Variants in RTF1 observed in about 807,000 individuals in gnomAD.
The protein encoded by RTF1 is RNA polymerase-associated protein RTF1 homolog.
A neutral mutation model predicts 95.7 loss-of-function variants in RTF1; 10 were observed. The ratio of observed to expected loss-of-function variants is 0.10; its 90% CI spans 0.06 to 0.18. RTF1 has a LOEUF of 0.18. RTF1 is among the 10% of genes least tolerant of loss of function. RTF1 has a pLI of 1.00. For missense variants in RTF1, 458 were observed against 875.6 expected, an observed-to-expected ratio of 0.52 and a Z score of 6.02; for synonymous variants, 305 against 311.8, an observed-to-expected ratio of 0.98 and a Z score of 0.23.
At chr15:41,466,025 TAA>T (rs2050878620) in intron 5 of RTF1, 114 bp from the exon 6 acceptor site, 2 of 610,736 alleles carry the variant, frequency 3.3e-6, no homozygotes, top group Non-Finnish European at 5.5e-6. Flanking sequence ...ATAAAAGCTC[TAA>T]GTTTTTGCAG....
At chr15:41,477,726 T>C (rs1163158731) in intron 14 of RTF1, 1 of 576,910 alleles carries the variant, frequency 1.7e-6, no homozygotes, top group African/African-American at 1.9e-5. Flanking sequence ...TTCCCACCCT[T>C]AGATTCTACT....
At chr15:41,431,169 G>A (rs2050669789) in intron 1 of RTF1, among the ~76,000 whole-genome samples, 1 of 151,496 alleles carries the variant, frequency 6.6e-6, no homozygotes, top group South Asian at 2.1e-4. Context: ...CTCCCAAAGT[G>A]CTGGGATTAC....
chr15:41,442,644 G>C (rs367970095), intron 2 of RTF1, among the ~76,000 whole-genome samples: 2 of 152,012 alleles, frequency 1.3e-5, no homozygotes, highest in African/African-American at 4.8e-5. Flanking sequence ...CCAGCACTTT[G>C]GGAGGCCAAG....
chr15:41,442,204 G>C (rs2050739267), intron 2 of RTF1, among the ~76,000 whole-genome samples: 1 of 140,714 alleles, frequency 7.1e-6, no homozygotes, highest in Non-Finnish European at 1.5e-5. Context: ...GTCTCTCTCT[G>C]TTGCCCAGGC....
intron 3 of RTF1, among the ~76,000 whole-genome samples, chr15:41,455,586 C>T (rs940813082): frequency 1.3e-5 from 2 of 151,094 alleles, no homozygotes; most frequent in East Asian, 2.0e-4. Context: ...AGGTGGATCA[C>T]TTGAGGTCAG....
At chr15:41,467,994 G>A (rs569294921) in intron 6 of RTF1, among the ~76,000 whole-genome samples, 15 of 151,808 alleles carry the variant, frequency 9.9e-5, no homozygotes, top group African/African-American at 3.1e-4. Flanking sequence ...GTGAAATCCC[G>A]TCTCTACTAA....
chr15:41,457,037 G>A (rs964031501), intron 3 of RTF1, among the ~76,000 whole-genome samples: 12 of 151,840 alleles, frequency 7.9e-5, no homozygotes, highest in African/African-American at 2.9e-4. Flanking sequence ...AATGAGCTGA[G>A]ATCACACCAC....
At chr15:41,431,866 T>C (rs1438539402) in intron 1 of RTF1, among the ~76,000 whole-genome samples, 1 of 151,758 alleles carries the variant, frequency 6.6e-6, no homozygotes, top group Non-Finnish European at 1.5e-5. Flanking sequence ...AGTGGCACGA[T>C]CTTGGCCCAC....
At chr15:41,474,566 T>C (rs1748115429) in intron 8 of RTF1, 54 bp from the exon 9 acceptor site, 2 of 1,255,150 alleles carry the variant, frequency 1.6e-6, no homozygotes, top group Non-Finnish European at 2.3e-6. Context: ...AAGAGTGTTG[T>C]GGAAAGCTCC....
At chr15:41,478,072 T>G (rs974360745) in intron 14 of RTF1, among the ~76,000 whole-genome samples, 1 of 150,528 alleles carries the variant, frequency 6.6e-6, no homozygotes, top group Non-Finnish European at 1.5e-5. Flanking sequence ...CACTGCACTT[T>G]AGCCTGGGCA....
chr15:41,449,532 G>A (rs2050780175), intron 2 of RTF1, among the ~76,000 whole-genome samples: 1 of 152,082 alleles, frequency 6.6e-6, no homozygotes, highest in African/African-American at 2.4e-5. Context: ...AAATAGAGGT[G>A]GGGTCTTGCT....
chr15:41,450,135 G>T (rs1162129130), intron 2 of RTF1, among the ~76,000 whole-genome samples: 1 of 152,156 alleles, frequency 6.6e-6, no homozygotes, highest in Non-Finnish European at 1.5e-5. Context: ...ATTCAAGGCT[G>T]CAGTGAGCTA....
Position 41,481,908 on chromosome 15 carries a change from C to T in RTF1, c.*1221C>T, listed in dbSNP as rs936179806. On this transcript the variant is annotated 3_prime_UTR_variant, in exon 18 of 18. Coordinates refer to ENST00000389629, the MANE Select transcript of RTF1 (RefSeq NM_015138.5). ...CAATCTGACTAACACGGTGAAACCC[C>T]ATCTCTACTAAAACTACAAAACTTA... The T allele has an allele frequency of 2.0e-5, 3 of 152,118 alleles. No individual in the cohort carries two copies. Among genetic ancestry groups the T allele is most frequent in the Non-Finnish European group, 4.4e-5 (3 of 68,060 alleles). The allele number at this position is 152,118 out of a possible 1,614,324, so 9.4% of individuals were successfully genotyped here.
chr15:41,417,803 G>A (rs1056652381), intron 1 of RTF1, among the ~76,000 whole-genome samples: 8 of 152,190 alleles, frequency 5.3e-5, no homozygotes, highest in South Asian at 2.1e-4. Context: ...ACAGAGGAAG[G>A]ACACTCGTAA....
intron 1 of RTF1, among the ~76,000 whole-genome samples, chr15:41,437,064 G>A (rs2050707533): frequency 6.6e-6 from 1 of 152,068 alleles, no homozygotes; most frequent in Non-Finnish European, 1.5e-5. Flanking sequence ...TCCAGCCTGG[G>A]CGACAGAGCA....
At chr15:41,425,073 C>T (rs533078966) in intron 1 of RTF1, among the ~76,000 whole-genome samples, 6 of 152,160 alleles carry the variant, frequency 3.9e-5, no homozygotes, top group African/African-American at 1.4e-4. Context: ...GTGGCTGGGA[C>T]TGCAAGTGTG....
At chr15:41,433,394 G>C (rs2050685635) in intron 1 of RTF1, among the ~76,000 whole-genome samples, 8 of 152,088 alleles carry the variant, frequency 5.3e-5, no homozygotes, top group Admixed American at 5.2e-4. Context: ...GAGTGCACTG[G>C]CATGATCTTT....
At chr15:41,439,036 CTT>C (rs548361947) in intron 2 of RTF1, among the ~76,000 whole-genome samples, 6 of 92,284 alleles carry the variant, frequency 6.5e-5, no homozygotes, top group Non-Finnish European at 6.7e-5. Flanking sequence ...CTTTTATTTT[CTT>C]TTTTTTTTTT....
At chr15:41,472,926 C>T (rs2050921099) in intron 8 of RTF1, among the ~76,000 whole-genome samples, 1 of 151,946 alleles carries the variant, frequency 6.6e-6, no homozygotes, top group Non-Finnish European at 1.5e-5. Flanking sequence ...TGGTCTTGAT[C>T]TCCTAACCTC....
Sources: gnomAD v4.1 joint callset for allele counts (sites outside exome capture counted in the v4.1 genomes callset) on GRCh38, gnomAD v4.1.1 for gene constraint, MANE v1.5 for transcripts, NCBI Gene and HGNC (gene_info 2026-07-23, HGNC 2026-07-21) for gene names.